PLA2R1: variants seen among roughly 807,000 people sequenced by gnomAD.
PLA2R1 encodes phospholipase A2 receptor 1, also known as secretory phospholipase A2 receptor.
In PLA2R1, 158 loss-of-function variants were observed where a neutral mutation model predicts 195.9. The ratio of observed to expected loss-of-function variants is 0.81; its 90% CI spans 0.71 to 0.92. The LOEUF (loss-of-function observed/expected upper bound fraction) is 0.92. PLA2R1 is among the 40% of genes least tolerant of loss of function. The pLI is 0.00. For missense variants in PLA2R1, 1,626 were observed against 1,764.6 expected (o/e 0.92, Z 1.41); for synonymous variants, 586 against 598.2 (o/e 0.98, Z 0.30).
chr2:159,976,306 T>C, intron 16 of PLA2R1, 81 bp from the exon 17 acceptor site: 1 of 896,130 alleles, frequency 1.1e-6, no homozygotes, highest in East Asian at 2.6e-5. Context: ...ATTTGGTCAC[T>C]CAACATTAAA....
chr2:159,949,245 CT>C (rs1221466317), intron 25 of PLA2R1, among the ~76,000 whole-genome samples: 1 of 152,144 alleles, frequency 6.6e-6, no homozygotes, highest in Non-Finnish European at 1.5e-5. Context: ...AAGCCTCGTC[CT>C]GTCTTCCTTC....
At chr2:160,034,632 C>T (rs1379484290) in intron 3 of PLA2R1, among the ~76,000 whole-genome samples, 1 of 152,148 alleles carries the variant, frequency 6.6e-6, no homozygotes, top group African/African-American at 2.4e-5. Context: ...ATAGTTTTGG[C>T]ATGCATAAGA....
Position 160,062,505 on chromosome 2 carries a change from G to T in PLA2R1, c.-102C>A, listed in dbSNP as rs761568752. The T allele has an allele frequency of 2.3e-5, 32 of 1,409,120 alleles. No individual in the cohort carries two copies. Among genetic ancestry groups the T allele is most frequent in the East Asian group, 3.0e-5 (1 of 33,400 alleles). 87.3% of individuals were successfully genotyped at this position (1,409,120 alleles called of 1,614,324 possible). On this transcript the variant is annotated 5_prime_UTR_variant, in exon 1 of 30. Transcript: ENST00000283243. ...CACCCGGCCCCGCCGCGCGGAAGCGGATCCGTAGCCTCCTCCGCGCCCCAC... is the reference window on the plus strand; with the variant it reads ...CACCCGGCCCCGCCGCGCGGAAGCGTATCCGTAGCCTCCTCCGCGCCCCAC...
intron 20 of PLA2R1, among the ~76,000 whole-genome samples, chr2:159,967,199 ACACACACACATGCATATG>A (rs936376987): frequency 2.5e-4 from 38 of 152,108 alleles, no homozygotes; most frequent in African/African-American, 8.9e-4. Context: ...GCACATGAGC[ACACACACACATGCATATG>A]CACACACACA....
intron 10 of PLA2R1, among the ~76,000 whole-genome samples, chr2:160,010,534 A>C (rs1412877866): frequency 6.6e-6 from 1 of 152,218 alleles, no homozygotes; most frequent in Non-Finnish European, 1.5e-5. Context: ...CATTGTGCAG[A>C]AGAGTGGAAA....
downstream of PLA2R1, among the ~76,000 whole-genome samples, chr2:159,927,439 A>C (rs1686519681): frequency 6.6e-6 from 1 of 152,170 alleles, no homozygotes; most frequent in Non-Finnish European, 1.5e-5. Context: ...GCTACTATCT[A>C]GGGCCATAGG....
chr2:159,953,212 A>T (rs528598716), intron 23 of PLA2R1, among the ~76,000 whole-genome samples: 1 of 152,224 alleles, frequency 6.6e-6, no homozygotes, highest in Non-Finnish European at 1.5e-5. Context: ...TTTGAGCAGC[A>T]TGGTTTTGCC....
chr2:159,947,191 A>T (rs1469022214), intron 26 of PLA2R1, among the ~76,000 whole-genome samples: 1 of 152,262 alleles, frequency 6.6e-6, no homozygotes, highest in Non-Finnish European at 1.5e-5. Flanking sequence ...CAGAAAGTGC[A>T]GTATGCTGAG....
At chr2:159,964,709 T>TTA (rs397940021) in intron 20 of PLA2R1, among the ~76,000 whole-genome samples, 5 of 151,518 alleles carry the variant, frequency 3.3e-5, no homozygotes, top group African/African-American at 1.2e-4. Context: ...CCCTTTTTTT[T>TTA]AAAAAAAAAT....
chr2:160,037,713 G>A (rs148629797), intron 3 of PLA2R1, among the ~76,000 whole-genome samples: 152 of 152,108 alleles, frequency 1.0e-3, no homozygotes, highest in Middle Eastern at 6.8e-3. Context: ...ATGCATCTCC[G>A]TGTGAATATC....
chr2:160,045,336 T>A (rs1251313118), intron 1 of PLA2R1, among the ~76,000 whole-genome samples, 179 bp from the exon 2 acceptor site: 1 of 152,148 alleles, frequency 6.6e-6, no homozygotes, highest in Non-Finnish European at 1.5e-5. Context: ...CAGAGGAGTT[T>A]CTTGGGAAGC....
rs369229854 is a variant in PLA2R1 at position 159,977,458 on chromosome 2, C to G, written c.2269-42G>C. On this transcript the variant is annotated intron_variant, in intron 14 of 29. Transcript: ENST00000283243. ...TCATTATTCCTTAATGATGATCCCC[C>G]CACAAAGTTTCAAAAGATCAAAAAG... The G allele has an allele frequency of 5.6e-6, 9 of 1,598,456 alleles. No homozygotes were observed. The South Asian group carries it at 1.0e-4, about 18-fold the overall frequency.
chr2:160,017,520 T>C (rs538736446), intron 8 of PLA2R1, among the ~76,000 whole-genome samples: 5 of 152,268 alleles, frequency 3.3e-5, no homozygotes, highest in African/African-American at 4.8e-5. Flanking sequence ...CTAGGTAATA[T>C]TGGCATAGCT....
chr2:159,929,977 T>C (rs968793567), downstream of PLA2R1, among the ~76,000 whole-genome samples: 1 of 151,924 alleles, frequency 6.6e-6, no homozygotes, highest in Non-Finnish European at 1.5e-5. Context: ...GTGAAGTCAC[T>C]CAGGAATGGA....
At chr2:159,985,589 A>T (rs114823327) in intron 12 of PLA2R1, among the ~76,000 whole-genome samples, 2,102 of 152,338 alleles carry the variant, frequency 0.014, 24 homozygotes, top group Admixed American at 0.032. Context: ...ACATATATAC[A>T]CATACAAATC....
chr2:160,037,443 C>A (rs1185028913), intron 3 of PLA2R1, among the ~76,000 whole-genome samples: 1 of 152,072 alleles, frequency 6.6e-6, no homozygotes, highest in African/African-American at 2.4e-5. Flanking sequence ...ACCTCTTTCC[C>A]CCCTCAAAAC....
chr2:160,028,373 A>G lies in PLA2R1; in HGVS notation c.956-12T>C, dbSNP rs781694592. ...CTCAAAATTTACCTCTGAAAATACA[A>G]TGAGTGTCTTTAATATTAGAAGCAA... On this transcript the variant is annotated splice_polypyrimidine_tract_variant and intron_variant, in intron 5 of 29. Transcript: ENST00000283243. The G allele has an allele frequency of 6.3e-7, 1 of 1,590,578 alleles. No individual in the cohort carries two copies. Among genetic ancestry groups the G allele is most frequent in the Non-Finnish European group, 8.6e-7 (1 of 1,161,366 alleles).
intron 29 of PLA2R1, 61 bp downstream of exon 29, chr2:159,942,066 C>T: frequency 1.3e-6 from 2 of 1,569,558 alleles, no homozygotes; most frequent in South Asian, 2.2e-5. Flanking sequence ...TGTCATACAG[C>T]TGCTTTCTAT....
intron 2 of PLA2R1, among the ~76,000 whole-genome samples, chr2:160,044,055 GGATA>G (rs200502251): frequency 0.017 from 2,583 of 152,278 alleles, 86 homozygotes; most frequent in African/African-American, 0.058. Flanking sequence ...ATGGATGGAT[GGATA>G]GATAGATGGA....
Sources: gnomAD v4.1 joint callset for allele counts (sites outside exome capture counted in the v4.1 genomes callset) on GRCh38, gnomAD v4.1.1 for gene constraint, MANE v1.5 for transcripts, NCBI Gene and HGNC (gene_info 2026-07-23, HGNC 2026-07-21) for gene names.